Variants in CPA6 observed in about 807,000 individuals in gnomAD.
CPA6 encodes carboxypeptidase A6.
A neutral mutation model predicts 63.3 loss-of-function variants in CPA6; 58 were observed. The observed-to-expected ratio is 0.92, with a 90% CI of 0.74 to 1.14. The LOEUF (loss-of-function observed/expected upper bound fraction) is 1.14, where lower values mean the gene tolerates loss of function less well. CPA6 is among the 50% of genes most tolerant of loss of function. The pLI is 0.00. For missense variants in CPA6, 565 were observed against 526.6 expected (o/e 1.07, Z -0.71); for synonymous variants, 185 against 179.0 (o/e 1.03, Z -0.27).
In CPA6 at chr8:67,709,830, G is replaced by T. The variant is rs369336797; in HGVS notation, c.116+36184C>A. On this transcript the variant is annotated intron_variant, in intron 1 of 10. Transcript: ENST00000297770. ...CATAGGTGGATTAAAAGATTTTCTG[G>T]CTCGGTGTGGTGGCTCACGCCTGTA... Among the ~76,000 whole-genome samples, 11 of 152,288 alleles carry T rather than the reference G, an allele frequency of 7.2e-5. No homozygotes were observed. In the East Asian group the frequency reaches 1.7e-3, roughly 24 times the overall value.
At chr8:67,568,564 C>T (rs1050903727) in intron 2 of CPA6, among the ~76,000 whole-genome samples, 3 of 152,090 alleles carry the variant, frequency 2.0e-5, no homozygotes, top group Non-Finnish European at 4.4e-5. Context: ...CTCAATCAAG[C>T]TGAAGAATCA....
chr8:67,680,271 GTGCGTGGAT>G (rs1816563861), intron 1 of CPA6, among the ~76,000 whole-genome samples: 1 of 152,150 alleles, frequency 6.6e-6, no homozygotes, highest in African/African-American at 2.4e-5. Flanking sequence ...GGAGGCTGAA[GTGCGTGGAT>G]TGCTTGAGCC....
intron 2 of CPA6, among the ~76,000 whole-genome samples, chr8:67,605,531 CTTTT>C (rs68153641): frequency 0.22 from 27,533 of 125,356 alleles, 3,022 homozygotes; most frequent in African/African-American, 0.35. Flanking sequence ...TATTGTATTG[CTTTT>C]TTTTTTTTTT....
At chr8:67,699,712 C>A (rs1389721251) in intron 1 of CPA6, among the ~76,000 whole-genome samples, 1 of 151,890 alleles carries the variant, frequency 6.6e-6, no homozygotes, top group South Asian at 2.1e-4. Flanking sequence ...CTCAGCCTCC[C>A]GAGTAGCTGG....
intron 1 of CPA6, among the ~76,000 whole-genome samples, chr8:67,744,038 G>A (rs1163217918): frequency 6.6e-6 from 1 of 152,164 alleles, no homozygotes; most frequent in East Asian, 1.9e-4. Flanking sequence ...TCACCGGAAG[G>A]CTAAACTTGC....
At chr8:67,426,270 A>G (rs1809881764) in intron 10 of CPA6, among the ~76,000 whole-genome samples, 2 of 152,240 alleles carry the variant, frequency 1.3e-5, no homozygotes, top group African/African-American at 4.8e-5. Flanking sequence ...CATCCGGCCA[A>G]CAGCCTCATT....
At chr8:67,589,850 G>T (rs181713388) in intron 2 of CPA6, among the ~76,000 whole-genome samples, 1,574 of 151,760 alleles carry the variant, frequency 0.01, 6 homozygotes, top group Middle Eastern at 0.02. Flanking sequence ...TTGCTTTTTT[G>T]TGTGTGTACT....
chr8:67,460,084 C>T (rs138172533), intron 8 of CPA6, among the ~76,000 whole-genome samples: 9 of 152,292 alleles, frequency 5.9e-5, no homozygotes, highest in East Asian at 1.9e-4. Flanking sequence ...CCTCTGGGAG[C>T]GTGACCTGGG....
intron 8 of CPA6, among the ~76,000 whole-genome samples, chr8:67,435,267 G>A (rs1302280574): frequency 6.6e-6 from 1 of 152,080 alleles, no homozygotes; most frequent in Non-Finnish European, 1.5e-5. Context: ...CTGTCCCTGC[G>A]GGGAAATCTT....
At chr8:67,628,309 A>G (rs756673353) in intron 1 of CPA6, among the ~76,000 whole-genome samples, 2 of 152,180 alleles carry the variant, frequency 1.3e-5, no homozygotes, top group Admixed American at 6.5e-5. Context: ...CAGCTAAGGA[A>G]GAGTATCTCT....
chr8:67,719,765 G>A (rs1047378207), intron 1 of CPA6, among the ~76,000 whole-genome samples: 4 of 152,274 alleles, frequency 2.6e-5, no homozygotes, highest in African/African-American at 9.6e-5. Flanking sequence ...GTAAGCGACT[G>A]AAGTAGGGGA....
chr8:67,535,365 T>C lies in CPA6; in HGVS notation c.193-17318A>G, dbSNP rs528212447. Among the ~76,000 whole-genome samples the C allele has an allele frequency of 5.3e-5, 8 of 152,268 alleles. 1 individual carries two copies. Among genetic ancestry groups the C allele is most frequent in the Non-Finnish European group, 8.8e-5 (6 of 68,016 alleles). On this transcript the variant is annotated intron_variant, in intron 2 of 10. Coordinates refer to ENST00000297770, the MANE Select transcript of CPA6 (RefSeq NM_020361.5). Reference sequence around the variant, plus strand: ...CCATTTCTCCACATCCTCTCCAGCATCTGTTGTTTCTTGACTTTTCAATGA... The same window carrying C: ...CCATTTCTCCACATCCTCTCCAGCACCTGTTGTTTCTTGACTTTTCAATGA...
Position 67,662,180 on chromosome 8 carries a change from G to A in CPA6, c.117-37929C>T, listed in dbSNP as rs565269992. Among the ~76,000 whole-genome samples the A allele has an allele frequency of 2.0e-5, 3 of 152,294 alleles. No homozygotes were observed. The East Asian group carries it at 5.8e-4, about 29-fold the overall frequency. ...GGATATAAGGTTAGAGTTAGAGAGA[G>A]TAGCATGTAAGAGTGTTATCTCCTG... On this transcript the variant is annotated intron_variant, in intron 1 of 10. Transcript: ENST00000297770.
intron 1 of CPA6, among the ~76,000 whole-genome samples, chr8:67,674,813 C>T (rs952398060): frequency 2.0e-5 from 3 of 152,046 alleles, no homozygotes; most frequent in African/African-American, 4.8e-5. Context: ...AAATGTGGTA[C>T]ATATACACCA....
intron 8 of CPA6, among the ~76,000 whole-genome samples, chr8:67,436,766 T>C (rs1810165757): frequency 6.6e-6 from 1 of 152,198 alleles, no homozygotes; most frequent in South Asian, 2.1e-4. Flanking sequence ...AGTATTATGG[T>C]TCTAAGAAAA....
chr8:67,535,431 T>C (rs545660009), intron 2 of CPA6, among the ~76,000 whole-genome samples: 2 of 152,332 alleles, frequency 1.3e-5, no homozygotes, highest in East Asian at 3.9e-4. Flanking sequence ...TCATTGTGGT[T>C]TTGATTTGCA....
chr8:67,729,157 T>C (rs1032226295), intron 1 of CPA6, among the ~76,000 whole-genome samples: 2 of 152,190 alleles, frequency 1.3e-5, no homozygotes, highest in Non-Finnish European at 2.9e-5. Context: ...TCCCAGGCTC[T>C]ACCTGGGACT....
intron 6 of CPA6, among the ~76,000 whole-genome samples, chr8:67,496,382 C>T (rs975711877): frequency 6.6e-6 from 1 of 151,466 alleles, no homozygotes; most frequent in Non-Finnish European, 1.5e-5. Context: ...TGAGGGAATG[C>T]TATTTAACCC....
intron 8 of CPA6, among the ~76,000 whole-genome samples, chr8:67,439,186 C>T (rs1170850242): frequency 6.6e-6 from 1 of 151,914 alleles, no homozygotes; most frequent in Non-Finnish European, 1.5e-5. Context: ...GTCCTAGCTA[C>T]TTGAAAGGCA....
Sources: allele counts gnomAD v4.1 joint callset (sites outside exome capture counted in the v4.1 genomes callset), GRCh38; gene constraint gnomAD v4.1.1; transcripts MANE v1.5; gene names NCBI Gene and HGNC (gene_info 2026-07-23, HGNC 2026-07-21).